Variants in STMN4 observed in about 807,000 individuals in gnomAD.
STMN4 encodes the protein stathmin-4.
STMN4 carries 12 observed loss-of-function variants against 29.1 expected under a neutral mutation model. The observed-to-expected ratio is 0.41, with a 90% confidence interval of 0.26 to 0.67. The LOEUF is 0.67. STMN4 is among the 30% of genes least tolerant of loss of function. STMN4 has a pLI of 0.30. For missense variants in STMN4, 181 were observed against 262.8 expected, an observed-to-expected ratio of 0.69 and a Z score of 2.15; for synonymous variants, 114 against 105.3, an observed-to-expected ratio of 1.08 and a Z score of -0.51.
At chr8:27,249,918 C>G (rs1045024311) in intron 1 of STMN4, among the ~76,000 whole-genome samples, 1 of 152,186 alleles carries the variant, frequency 6.6e-6, no homozygotes, top group Non-Finnish European at 1.5e-5. Context: ...CAAATTCCAT[C>G]TGGACTATTT....
chr8:27,239,782 T>A (rs1191578508), intron 6 of STMN4, 189 bp downstream of exon 6: 1 of 1,529,058 alleles, frequency 6.5e-7, no homozygotes, highest in Admixed American at 2.0e-5. Context: ...CTGAGTCTGG[T>A]TCCTATTTCT....
chr8:27,242,290 T>C (rs1801497497), intron 3 of STMN4, 107 bp downstream of exon 3: 6 of 1,119,148 alleles, frequency 5.4e-6, no homozygotes, highest in East Asian at 5.0e-5. Flanking sequence ...GGAAGGAAAC[T>C]GTCTCGGGAG....
chr8:27,241,329 C>CACAGGCACCCAGCAA, intron 4 of STMN4, 67 bp from the exon 5 acceptor site: 1 of 1,592,682 alleles, frequency 6.3e-7, no homozygotes, highest in Admixed American at 1.7e-5. Flanking sequence ...AAGCATGCGG[C>CACAGGCACCCAGCAA]GCATGCACAC....
At chr8:27,247,914 T>C (rs568458257) in intron 1 of STMN4, among the ~76,000 whole-genome samples, 1 of 152,222 alleles carries the variant, frequency 6.6e-6, no homozygotes, top group African/African-American at 2.4e-5. Flanking sequence ...ATGTGTTTTC[T>C]GTTAGGTGAG....
chr8:27,251,124 G>A (rs1586018638), intron 1 of STMN4, among the ~76,000 whole-genome samples: 1 of 152,006 alleles, frequency 6.6e-6, no homozygotes, highest in East Asian at 1.9e-4. Flanking sequence ...GTGCATGCCT[G>A]TAGTCTCAGT....
Position 27,241,597 on chromosome 8 carries a change from G to C in STMN4, c.190+80C>G, listed in dbSNP as rs1008146600. The C allele has an allele frequency of 9.1e-5, 138 of 1,517,578 alleles. 2 individuals are homozygous for C. In the Middle Eastern group the frequency reaches 1.6e-3, roughly 17 times the overall value. 94.0% of individuals were successfully genotyped at this position (1,517,578 alleles called of 1,614,324 possible). On this transcript the variant is annotated intron_variant, in intron 4 of 6. Coordinates refer to ENST00000350889, the MANE Select transcript of STMN4 (RefSeq NM_030795.4). Reference sequence around the variant, plus strand: ...GTCGTCCGTGGTGACAGGCAGGGGTGCGTTTCAGCCCCCGCCCACCCCCGG... The same window carrying C: ...GTCGTCCGTGGTGACAGGCAGGGGTCCGTTTCAGCCCCCGCCCACCCCCGG...
At chr8:27,242,074 G>T in intron 3 of STMN4, 1 of 562,938 alleles carries the variant, frequency 1.8e-6, no homozygotes, top group Non-Finnish European at 3.2e-6. Flanking sequence ...TTCTGGTCTA[G>T]ATGTTCCCCA....
At chr8:27,243,874 A>T in intron 1 of STMN4, 73 bp from the exon 2 acceptor site, 9 of 1,376,280 alleles carry the variant, frequency 6.5e-6, no homozygotes, top group Non-Finnish European at 8.1e-6. Context: ...AGGTCTTTAT[A>T]CACTGGGGAG....
At chr8:27,237,356 C>A (rs1408781585) in intron 6 of STMN4, among the ~76,000 whole-genome samples, 2 of 152,230 alleles carry the variant, frequency 1.3e-5, no homozygotes, top group African/African-American at 4.8e-5. Flanking sequence ...TCTCATCCAT[C>A]TCCTTTGTGA....
Position 27,241,218 on chromosome 8 carries a change from C to T in STMN4, c.235G>A (p.Val79Ile). 6.2e-7 allele frequency: 1 copy of T among 1,614,218 alleles called. No individual in the cohort carries two copies. The highest frequency in any genetic ancestry group is 8.5e-7 in the Non-Finnish European group (1 of 1,180,046). Residue 79 changes from valine (V) to isoleucine (I), a missense_variant, in exon 5 of 7, where the codon GTC becomes ATC. Transcript: ENST00000350889. ...GAGGTGCATTTGTTCAGCTCGATGA[C>T]TTCCATGTCGGAAATGACGCACCAA... ...LNWCVISDME[V>I]IELNKCTSGQ...
chr8:27,242,068 G>A, intron 3 of STMN4: 1 of 563,274 alleles, frequency 1.8e-6, no homozygotes, highest in South Asian at 2.3e-5. Context: ...CTTCTCTTCT[G>A]GTCTAGATGT....
intron 6 of STMN4, chr8:27,239,211 GA>G: frequency 6.5e-7 from 1 of 1,534,986 alleles, no homozygotes; most frequent in Non-Finnish European, 8.7e-7. Flanking sequence ...AAGGAGCGGG[GA>G]CCACGCTGCT....
chr8:27,255,386 T>C (rs934039236), intron 1 of STMN4, among the ~76,000 whole-genome samples: 1 of 152,184 alleles, frequency 6.6e-6, no homozygotes, highest in Admixed American at 6.5e-5. Flanking sequence ...TGTTTCCAAA[T>C]GAGAATCTCC....
rs189124814 is a variant in STMN4, at chr8:27,235,407, G to A, written c.*1439C>T. 631 of 152,718 alleles carry A rather than the reference G, an allele frequency of 4.1e-3. 1 individual carries two copies. Among genetic ancestry groups the A allele is most frequent in the Middle Eastern group, 0.01 (3 of 290 alleles). 9.5% of individuals were successfully genotyped at this position (152,718 alleles called of 1,614,324 possible). On this transcript the variant is annotated 3_prime_UTR_variant, in exon 7 of 7. Coordinates refer to ENST00000350889, the MANE Select transcript of STMN4 (RefSeq NM_030795.4). ...AGAGTGGGAAGAGGTCCTGGGACCC[G>A]GTTAACACAGGCAGCCCCTGCACTC...
Position 27,241,678 on chromosome 8 carries a change from C to T in STMN4, c.189G>A (p.Gln63=), listed in dbSNP as rs1801478066. ...ATCCCTCCGCTGCCTCCCTCCTACC[C>T]TGAGCTCTTCTTTCTCTCCAGTCAG... ...DSADWRERRA[Q]ADTVDLNWCV... Residue 63 remains glutamine (Q), a splice_region_variant and synonymous_variant, in exon 4 of 7, where the codon CAG becomes CAA. Coordinates refer to ENST00000350889, the MANE Select transcript of STMN4 (RefSeq NM_030795.4). The T allele has an allele frequency of 6.2e-7, 1 of 1,614,186 alleles. No individual in the cohort carries two copies. The highest frequency in any genetic ancestry group is 8.5e-7 in the Non-Finnish European group (1 of 1,180,014).
rs1479768272 is a variant in STMN4 at position 27,242,573 on chromosome 8, G to C, written c.14-81C>G. The C allele has an allele frequency of 2.8e-6, 4 of 1,431,386 alleles. No homozygotes were observed. The African/African-American group carries it at 4.2e-5, about 15-fold the overall frequency. The allele number at this position is 1,431,386 out of a possible 1,614,324, so 88.7% of individuals were successfully genotyped here. ...CGTCCTCACGGGTCTGGGGCTCTGAGCAGCCCAGGGTTCCATAAAGGCACT... is the reference window on the plus strand; with the variant it reads ...CGTCCTCACGGGTCTGGGGCTCTGACCAGCCCAGGGTTCCATAAAGGCACT... On this transcript the variant is annotated intron_variant, in intron 2 of 6. Transcript: ENST00000350889.
intron 1 of STMN4, among the ~76,000 whole-genome samples, chr8:27,253,545 T>C (rs764773919): frequency 6.2e-4 from 94 of 152,358 alleles, no homozygotes; most frequent in Non-Finnish European, 2.9e-4. Context: ...ATGTGCATTA[T>C]GCAAAGCACT....
chr8:27,247,243 A>C (rs1801650762), intron 1 of STMN4, among the ~76,000 whole-genome samples: 1 of 127,546 alleles, frequency 7.8e-6, no homozygotes, highest in Admixed American at 8.4e-5. Flanking sequence ...TGAGAGAGTG[A>C]GACTTTGTCT....
chr8:27,254,586 G>C (rs1269416640), intron 1 of STMN4, among the ~76,000 whole-genome samples: 1 of 152,042 alleles, frequency 6.6e-6, no homozygotes, highest in Non-Finnish European at 1.5e-5. Context: ...GGAGGGATAG[G>C]TATGCCTATG....
Sources: gnomAD v4.1 joint callset for allele counts (sites outside exome capture counted in the v4.1 genomes callset) on GRCh38, gnomAD v4.1.1 for gene constraint, MANE v1.5 for transcripts, NCBI Gene and HGNC (gene_info 2026-07-23, HGNC 2026-07-21) for gene names.